MMP16: variants seen among roughly 807,000 people sequenced by gnomAD.
The protein encoded by MMP16 is matrix metalloproteinase-16.
In MMP16, 12 loss-of-function variants were observed where a neutral mutation model predicts 67.8. The observed-to-expected ratio is 0.18, with a 90% CI of 0.11 to 0.29. The LOEUF is 0.29. Ranked by LOEUF, MMP16 falls within the 10% of genes least tolerant of loss-of-function variation. The pLI is 1.00. For synonymous variants in MMP16, 249 were observed against 255.9 expected (o/e 0.97, Z 0.26); for missense variants, 475 against 765.7 (o/e 0.62, Z 4.48).
At chr8:88,088,146 AC>A (rs1370725623) in intron 6 of MMP16, among the ~76,000 whole-genome samples, 1 of 136,840 alleles carries the variant, frequency 7.3e-6, no homozygotes, top group South Asian at 2.2e-4. Flanking sequence ...CATGTACTAG[AC>A]CCCAGTGAGT....
intron 1 of MMP16, among the ~76,000 whole-genome samples, chr8:88,208,107 A>T (rs950722559): frequency 5.3e-5 from 8 of 152,242 alleles, no homozygotes; most frequent in Non-Finnish European, 1.5e-5. Context: ...AGTTGCCTGT[A>T]TATAGTTTTA....
At position 88,033,736 on chromosome 8, in the gene MMP16, A is replaced by T. The variant is rs1253931741; in HGVS notation, c.*7725T>A. The T allele has an allele frequency of 6.6e-6, 1 of 152,016 alleles. No individual in the cohort carries two copies. The allele number at this position is 152,016 out of a possible 1,614,324, so 9.4% of individuals were successfully genotyped here. A position where few individuals can be genotyped will look rare whatever the true frequency, so the allele number is the denominator to read the frequency against. On this transcript the variant is annotated 3_prime_UTR_variant, in exon 10 of 10. Coordinates refer to ENST00000286614, the MANE Select transcript of MMP16 (RefSeq NM_005941.5). ...ATGGTCGAGTCTCTAAAACCCCTGA[A>T]AATAGAGGTCTGCAATAGAAATGCT...
chr8:88,223,286 G>A (rs945360200), intron 1 of MMP16, among the ~76,000 whole-genome samples: 1 of 152,114 alleles, frequency 6.6e-6, no homozygotes, highest in African/African-American at 2.4e-5. Flanking sequence ...ACAGTGTGGT[G>A]ATTCCTCAAG....
At chr8:88,302,578 A>G (rs904128967) in intron 1 of MMP16, among the ~76,000 whole-genome samples, 49 of 152,362 alleles carry the variant, frequency 3.2e-4, no homozygotes, top group African/African-American at 1.1e-3. Flanking sequence ...CACGAAGAGA[A>G]AATAACAGAG....
At chr8:88,085,029 G>A (rs530051021) in intron 6 of MMP16, among the ~76,000 whole-genome samples, 5 of 150,462 alleles carry the variant, frequency 3.3e-5, no homozygotes, top group Non-Finnish European at 7.4e-5. Context: ...TGTAACATAT[G>A]TGGACTGGAA....
chr8:88,119,640 C>T (rs183754626), intron 4 of MMP16, among the ~76,000 whole-genome samples: 1 of 151,982 alleles, frequency 6.6e-6, no homozygotes, highest in East Asian at 2.0e-4. Context: ...TGCAATCAAC[C>T]CCGTTGATGA....
At chr8:88,273,343 A>G (rs752204381) in intron 1 of MMP16, among the ~76,000 whole-genome samples, 1 of 149,940 alleles carries the variant, frequency 6.7e-6, no homozygotes, top group Non-Finnish European at 1.5e-5. Context: ...CACCTGCTTC[A>G]GCCTCCCAAA....
At chr8:88,064,097 C>G (rs1250918833) in intron 7 of MMP16, among the ~76,000 whole-genome samples, 1 of 152,144 alleles carries the variant, frequency 6.6e-6, no homozygotes, top group African/African-American at 2.4e-5. Flanking sequence ...AGCAAACAGC[C>G]ACACCTATTT....
rs576548052 is a variant in MMP16, at chr8:88,134,625, C to T, written c.710-15764G>A. On this transcript the variant is annotated intron_variant, in intron 4 of 9. Coordinates refer to ENST00000286614, the MANE Select transcript of MMP16 (RefSeq NM_005941.5). ...ATCTATCTCCTCTCTATATATTTTT[C>T]TAACTTTCCTCTCAACACATTCCAA... Among the ~76,000 whole-genome samples, 6 of 151,344 alleles carry T rather than the reference C, an allele frequency of 4.0e-5. No homozygotes were observed. In the South Asian group the frequency reaches 1.2e-3, roughly 31 times the overall value.
At chr8:88,082,934 A>G (rs1808777081) in intron 6 of MMP16, among the ~76,000 whole-genome samples, 1 of 152,092 alleles carries the variant, frequency 6.6e-6, no homozygotes, top group South Asian at 2.1e-4. Flanking sequence ...TAAATATATC[A>G]TATGACTTTG....
At chr8:88,235,105 T>C (rs1007432591) in intron 1 of MMP16, among the ~76,000 whole-genome samples, 18 of 152,116 alleles carry the variant, frequency 1.2e-4, no homozygotes. Context: ...AAAGATTAAT[T>C]TATGCCCAAC....
At chr8:88,194,627 A>G (rs1418004689) in intron 2 of MMP16, among the ~76,000 whole-genome samples, 3 of 152,014 alleles carry the variant, frequency 2.0e-5, no homozygotes, top group Admixed American at 6.6e-5. Context: ...CCGGGTTTCT[A>G]GTTCAAGTGA....
chr8:88,214,790 T>G (rs978551910), intron 1 of MMP16, among the ~76,000 whole-genome samples: 1 of 152,150 alleles, frequency 6.6e-6, no homozygotes, highest in African/African-American at 2.4e-5. Flanking sequence ...TTAACCTTTT[T>G]AAACTGAGAA....
chr8:88,093,105 CA>C (rs1808965702), intron 6 of MMP16, among the ~76,000 whole-genome samples: 1 of 151,718 alleles, frequency 6.6e-6, no homozygotes, highest in Non-Finnish European at 1.5e-5. Flanking sequence ...AGATTTTGGT[CA>C]GGGGGACTTT....
At chr8:88,308,480 T>C (rs972960816) in intron 1 of MMP16, among the ~76,000 whole-genome samples, 3 of 152,176 alleles carry the variant, frequency 2.0e-5, no homozygotes, top group Middle Eastern at 3.4e-3. Context: ...CATAGTTCCA[T>C]AGATCAATGG....
intron 1 of MMP16, among the ~76,000 whole-genome samples, chr8:88,323,705 CAG>C (rs538928822): frequency 2.0e-5 from 3 of 151,204 alleles, no homozygotes; most frequent in Non-Finnish European, 4.4e-5. Context: ...ACAAACTATT[CAG>C]AGTTGACGAT....
chr8:88,130,315 A>G lies in MMP16; in HGVS notation c.710-11454T>C, dbSNP rs539989010. Among the ~76,000 whole-genome samples the G allele has an allele frequency of 9.2e-5, 14 of 151,918 alleles. No homozygotes were observed. In the South Asian group the frequency reaches 2.9e-3, roughly 31 times the overall value. On this transcript the variant is annotated intron_variant, in intron 4 of 9. Transcript: ENST00000286614. Reference sequence around the variant, plus strand: ...ACCAATAAAATCAGATGATTCATGCATGGCCTAGTATTCACACAGCAAATT... The same window carrying G: ...ACCAATAAAATCAGATGATTCATGCGTGGCCTAGTATTCACACAGCAAATT...
chr8:88,105,830 C>A (rs1481207098), intron 6 of MMP16, among the ~76,000 whole-genome samples: 2 of 150,896 alleles, frequency 1.3e-5, no homozygotes, highest in African/African-American at 4.9e-5. Context: ...TTAAAAACAA[C>A]AAATTTTCCT....
intron 2 of MMP16, among the ~76,000 whole-genome samples, chr8:88,190,108 T>C (rs1008060585): frequency 1.3e-5 from 2 of 152,200 alleles, no homozygotes; most frequent in African/African-American, 4.8e-5. Flanking sequence ...AATCATGAAG[T>C]AGATAATTTA....
Sources: allele counts gnomAD v4.1 joint callset (sites outside exome capture counted in the v4.1 genomes callset), GRCh38; gene constraint gnomAD v4.1.1; transcripts MANE v1.5; gene names NCBI Gene and HGNC (gene_info 2026-07-23, HGNC 2026-07-21).